KCNU1: variants seen among roughly 807,000 people sequenced by gnomAD.
The protein encoded by KCNU1 is potassium calcium-activated channel subfamily U member 1, also known as potassium channel subfamily U member 1.
Under a neutral mutation model 126.8 loss-of-function variants are expected in KCNU1, and 93 were observed. The observed-to-expected ratio is 0.73, with a 90% CI of 0.62 to 0.87. KCNU1 has a LOEUF of 0.87. Among genes scored for constraint, KCNU1 ranks in the 40% least tolerant of loss-of-function variants. The pLI, the probability that KCNU1 is intolerant of heterozygous loss-of-function variation, is 0.00. For synonymous variants in KCNU1, 523 were observed against 494.2 expected (o/e 1.06, Z -0.77); for missense variants, 1,330 against 1,367.1 (o/e 0.97, Z 0.43).
chr8:36,855,573 G>C (rs563756703), intron 18 of KCNU1, among the ~76,000 whole-genome samples: 1 of 152,090 alleles, frequency 6.6e-6, no homozygotes, highest in East Asian at 1.9e-4. Context: ...TGAAACTAGT[G>C]TAAATTAAAA....
chr8:36,793,860 C>T (rs201627986), intron 2 of KCNU1, among the ~76,000 whole-genome samples: 1 of 151,838 alleles, frequency 6.6e-6, no homozygotes, highest in Non-Finnish European at 1.5e-5. Context: ...TTGAGACAAG[C>T]CTGACCAACA....
At chr8:36,866,162 T>C (rs1024325410) in intron 19 of KCNU1, among the ~76,000 whole-genome samples, 2 of 152,170 alleles carry the variant, frequency 1.3e-5, no homozygotes, top group Admixed American at 6.5e-5. Flanking sequence ...TATTTAGAAT[T>C]GGGCTGAGAG....
At chr8:36,801,396 C>T (rs16885417) in intron 2 of KCNU1, among the ~76,000 whole-genome samples, 31,606 of 150,730 alleles carry the variant, frequency 0.21, 3,591 homozygotes, top group Middle Eastern at 0.38. Flanking sequence ...GGGTAATAAT[C>T]TTTGGGTTTG....
Position 36,834,838 on chromosome 8 carries a change from C to T in KCNU1, c.1265C>T (p.Ser422Phe), listed in dbSNP as rs775402173. ...ATAGCCAATCCTTTGTGCAGTGATT[C>T]CCATGCTGAAGATATTTCCAACATT... is the stretch of plus-strand genomic sequence containing the variant. ...LIIANPLCSDSHAEDISNIMR... is the reference protein window; with the variant it reads ...LIIANPLCSDFHAEDISNIMR... The change falls in exon 12 of 27, where the codon TCC becomes TTC. Residue 422 changes from serine (S) to phenylalanine (F), a missense_variant. By Grantham distance (155) the Ser-to-Phe change is radical (BLOSUM62 -2). Coordinates refer to ENST00000399881, the MANE Select transcript of KCNU1 (RefSeq NM_001031836.3). 1.9e-6 allele frequency: 3 copies of T among 1,611,194 alleles called. No individual in the cohort carries two copies. Among genetic ancestry groups the T allele is most frequent in the Non-Finnish European group, 2.5e-6 (3 of 1,178,220 alleles).
At chr8:36,805,153 A>T in intron 3 of KCNU1, 42 bp from the exon 4 acceptor site, 1 of 1,460,948 alleles carries the variant, frequency 6.8e-7, no homozygotes, top group Non-Finnish European at 9.5e-7. Context: ...ACACCACTTT[A>T]AAAATGTTGA....
chr8:36,807,434 C>T lies in KCNU1; in HGVS notation c.640C>T (p.Arg214Ter), dbSNP rs201595689. The change falls in exon 6 of 27, where the codon CGA (arginine) becomes TGA (stop). Residue 214 changes from arginine (R) to a stop codon, truncating the protein, a stop_gained. Coordinates refer to ENST00000399881, the MANE Select transcript of KCNU1 (RefSeq NM_001031836.3). LOFTEE classifies it high-confidence loss of function. ...LELPQILQIL[R>*]AIKTSNSVKF... ...ACTCCCTCAAATCTTGCAAATTCTACGAGCCATCAAGACCAGGTAAATAGC... is the reference window on the plus strand; with the variant it reads ...ACTCCCTCAAATCTTGCAAATTCTATGAGCCATCAAGACCAGGTAAATAGC... 9.4e-4 allele frequency: 1,519 copies of T among 1,612,452 alleles called. 1 individual carries two copies. The highest frequency in any genetic ancestry group is 1.2e-3 in the Non-Finnish European group (1,391 of 1,178,736).
intron 2 of KCNU1, among the ~76,000 whole-genome samples, chr8:36,792,915 T>C (rs1003740138): frequency 5.3e-5 from 8 of 152,160 alleles, no homozygotes; most frequent in African/African-American, 1.9e-4. Flanking sequence ...ATGACTAATA[T>C]TGATGTTGAA....
chr8:36,871,070 T>G (rs1178318102), intron 19 of KCNU1, among the ~76,000 whole-genome samples: 1 of 152,160 alleles, frequency 6.6e-6, no homozygotes, highest in African/African-American at 2.4e-5. Flanking sequence ...AATATCTTCA[T>G]CAGGTCTCAA....
At chr8:36,823,366 T>A (rs567406167) in intron 10 of KCNU1, among the ~76,000 whole-genome samples, 1 of 152,176 alleles carries the variant, frequency 6.6e-6, no homozygotes, top group Non-Finnish European at 1.5e-5. Context: ...ATTTTACCAC[T>A]TTTTGATTCC....
chr8:36,890,366 T>C (rs1042220940), intron 19 of KCNU1, among the ~76,000 whole-genome samples: 4 of 151,876 alleles, frequency 2.6e-5, no homozygotes, highest in African/African-American at 9.7e-5. Flanking sequence ...TCATAAGAGA[T>C]GGAAAGGATG....
At chr8:36,829,511 T>C (rs568058512) in intron 10 of KCNU1, among the ~76,000 whole-genome samples, 1 of 151,898 alleles carries the variant, frequency 6.6e-6, no homozygotes, top group South Asian at 2.1e-4. Flanking sequence ...CTACAGTCTT[T>C]TAATTACTAA....
chr8:36,848,687 G>A (rs973859827), intron 18 of KCNU1, among the ~76,000 whole-genome samples: 5 of 152,088 alleles, frequency 3.3e-5, no homozygotes, highest in East Asian at 1.9e-4. Flanking sequence ...ATTTCTCCCC[G>A]CGTACAGACA....
At chr8:36,876,658 C>T (rs1020830776) in intron 19 of KCNU1, among the ~76,000 whole-genome samples, 1 of 152,180 alleles carries the variant, frequency 6.6e-6, no homozygotes, top group African/African-American at 2.4e-5. Flanking sequence ...CCTCCTCCCA[C>T]TTCTTCCTCC....
Position 36,806,250 on chromosome 8 carries a change from T to G in KCNU1, c.469-19T>G, listed in dbSNP as rs370873720. The G allele has an allele frequency of 2.0e-5, 30 of 1,529,726 alleles. No homozygotes were observed. The highest frequency in any genetic ancestry group is 5.4e-6 in the Non-Finnish European group (6 of 1,113,382). The allele number at this position is 1,529,726 out of a possible 1,614,324, so 94.8% of individuals were successfully genotyped here. A position where few individuals can be genotyped will look rare whatever the true frequency, so the allele number is the denominator to read the frequency against. On this transcript the variant is annotated intron_variant, in intron 4 of 26. Coordinates refer to ENST00000399881, the MANE Select transcript of KCNU1 (RefSeq NM_001031836.3). ...CTTGAGGGTAACAGAATTTGTGTTATTCTGTTTCTATTTCATAGTTTATGG... is the reference window on the plus strand; with the variant it reads ...CTTGAGGGTAACAGAATTTGTGTTAGTCTGTTTCTATTTCATAGTTTATGG...
At chr8:36,804,999 A>G (rs1803445106) in intron 3 of KCNU1, among the ~76,000 whole-genome samples, 196 bp from the exon 4 acceptor site, 1 of 152,140 alleles carries the variant, frequency 6.6e-6, no homozygotes, top group African/African-American at 2.4e-5. Flanking sequence ...TTCCAGTGCT[A>G]TTGGCAGTCC....
Position 36,864,422 on chromosome 8 carries a change from T to C in KCNU1, c.1910T>C (p.Met637Thr), listed in dbSNP as rs779388312. The C allele has an allele frequency of 5.0e-6, 8 of 1,607,410 alleles. No individual in the cohort carries two copies. In the East Asian group the frequency reaches 1.8e-4, roughly 36 times the overall value. Residue 637 changes from methionine (M) to threonine (T), a missense_variant, in exon 19 of 27, where the codon ATG becomes ACG. By Grantham distance (81) the Met-to-Thr change is moderately conservative (BLOSUM62 -1). Transcript: ENST00000399881. The stretch of plus-strand genomic sequence containing the variant: ...ATTGCAGTGCCATCGGTAAAGAGAA[T>C]GAAAAAATGTCTGAAGGGAATCTCC... ...QHITVPSVKR[M>T]KKCLKGISSR...
intron 10 of KCNU1, among the ~76,000 whole-genome samples, chr8:36,830,810 A>C (rs1396986404): frequency 6.6e-6 from 1 of 151,726 alleles, no homozygotes; most frequent in Non-Finnish European, 1.5e-5. Flanking sequence ...CACAATGTGC[A>C]GGTTAGTTGC....
intron 19 of KCNU1, among the ~76,000 whole-genome samples, chr8:36,900,086 C>A (rs1463963981): frequency 1.3e-5 from 2 of 152,090 alleles, no homozygotes. Context: ...CATGAGATTT[C>A]ATGGCAGGTC....
intron 2 of KCNU1, among the ~76,000 whole-genome samples, chr8:36,798,579 T>G (rs1306755187): frequency 6.6e-6 from 1 of 152,232 alleles, no homozygotes; most frequent in Non-Finnish European, 1.5e-5. Context: ...CTATTGTCTC[T>G]GAGGGCAGCC....
Sources: allele counts gnomAD v4.1 joint callset (sites outside exome capture counted in the v4.1 genomes callset), GRCh38; gene constraint gnomAD v4.1.1; transcripts MANE v1.5; gene names NCBI Gene and HGNC (gene_info 2026-07-23, HGNC 2026-07-21).